Variants in SULT1B1 observed in about 807,000 individuals in gnomAD.
SULT1B1 encodes sulfotransferase family 1B member 1.
A neutral mutation model predicts 34.6 loss-of-function variants in SULT1B1; 28 were observed. The ratio of observed to expected loss-of-function variants is 0.81; its 90% CI spans 0.60 to 1.11. SULT1B1 has a LOEUF of 1.11. Among genes scored for constraint, SULT1B1 ranks in the 50% least tolerant of loss-of-function variants. The pLI, the probability that SULT1B1 is intolerant of heterozygous loss-of-function variation, is 0.00. For synonymous variants in SULT1B1, 147 were observed against 110.2 expected (o/e 1.33, Z -2.09); for missense variants, 374 against 352.2 (o/e 1.06, Z -0.50).
At chr4:69,735,509 A>G (rs903272103) in intron 4 of SULT1B1, among the ~76,000 whole-genome samples, 1 of 152,200 alleles carries the variant, frequency 6.6e-6, no homozygotes, top group African/African-American at 2.4e-5. Context: ...GGGGCTTTAT[A>G]AGCAGTCCCA....
At chr4:69,754,959 C>A in intron 2 of SULT1B1, 111 bp downstream of exon 2, 2 of 1,254,474 alleles carry the variant, frequency 1.6e-6, no homozygotes, top group Admixed American at 2.1e-5. Context: ...TAGATGGCTG[C>A]ACAAAATGAA....
At chr4:69,731,149 G>A (rs1435226281) in intron 6 of SULT1B1, among the ~76,000 whole-genome samples, 1 of 152,194 alleles carries the variant, frequency 6.6e-6, no homozygotes, top group Non-Finnish European at 1.5e-5. Context: ...GTACCAATCA[G>A]TGGCCTGTTA....
At chr4:69,736,800 T>C (rs1372324489) in intron 4 of SULT1B1, among the ~76,000 whole-genome samples, 1 of 151,932 alleles carries the variant, frequency 6.6e-6, no homozygotes, top group East Asian at 1.9e-4. Context: ...ATTTACTCAA[T>C]GTTAACAACA....
chr4:69,737,117 C>T (rs1406637561), intron 4 of SULT1B1, among the ~76,000 whole-genome samples: 1 of 151,818 alleles, frequency 6.6e-6, no homozygotes, highest in East Asian at 1.9e-4. Flanking sequence ...ATATACAGCA[C>T]ATTGCATAAT....
At chr4:69,760,173 C>T (rs1719338888) in intron 1 of SULT1B1, 18 of 962,750 alleles carry the variant, frequency 1.9e-5, no homozygotes, top group Non-Finnish European at 2.2e-5. Flanking sequence ...GAAACGAAAA[C>T]TTGAAAAAGA....
chr4:69,744,332 G>A (rs1174524349), intron 4 of SULT1B1, among the ~76,000 whole-genome samples: 2 of 152,168 alleles, frequency 1.3e-5, no homozygotes, highest in Non-Finnish European at 2.9e-5. Flanking sequence ...AAAGGAACCC[G>A]ACACAGTGGA....
Position 69,725,912 on chromosome 4 carries a change from AC to A in SULT1B1, c.*1175del, listed in dbSNP as rs1717819630. ...GGGGAAGGATAGCATTAGGAGGTAT[AC>A]CTAATGTAAATGACGAGTTAATGGA... is the stretch of plus-strand genomic sequence containing the variant. On this transcript the variant is annotated 3_prime_UTR_variant, in exon 8 of 8. Transcript: ENST00000310613. The A allele has an allele frequency of 6.6e-6, 1 of 150,684 alleles. No individual in the cohort carries two copies. Among genetic ancestry groups the A allele is most frequent in the Admixed American group, 6.6e-5 (1 of 15,056 alleles). The allele number at this position is 150,684 out of a possible 1,614,324, so 9.3% of individuals were successfully genotyped here.
intron 2 of SULT1B1, 90 bp from the exon 3 acceptor site, chr4:69,754,888 A>G: frequency 7.0e-7 from 1 of 1,435,166 alleles, no homozygotes; most frequent in Admixed American, 2.0e-5. Context: ...ATCTTAACAC[A>G]TTCTATTACA....
At chr4:69,759,561 A>G (rs1438694393) in intron 1 of SULT1B1, among the ~76,000 whole-genome samples, 1 of 152,190 alleles carries the variant, frequency 6.6e-6, no homozygotes, top group Non-Finnish European at 1.5e-5. Flanking sequence ...GCTACAGGGT[A>G]TTAGGCATCA....
intron 6 of SULT1B1, 94 bp from the exon 7 acceptor site, chr4:69,730,775 T>C (rs1718050463): frequency 1.8e-6 from 2 of 1,112,984 alleles, no homozygotes; most frequent in African/African-American, 3.2e-5. Context: ...AAATGTTGAC[T>C]CTGAATAGTA....
chr4:69,748,277 C>T (rs762556262), intron 4 of SULT1B1, among the ~76,000 whole-genome samples: 15 of 152,082 alleles, frequency 9.9e-5, no homozygotes, highest in Admixed American at 2.6e-4. Flanking sequence ...AAAAAAATTA[C>T]AAGGCACATT....
At chr4:69,759,231 A>C (rs557235419) in intron 1 of SULT1B1, among the ~76,000 whole-genome samples, 1 of 152,344 alleles carries the variant, frequency 6.6e-6, no homozygotes, top group Admixed American at 6.5e-5. Flanking sequence ...CTGCTCAAAG[A>C]AACACAGAAA....
intron 1 of SULT1B1, chr4:69,758,545 A>C: frequency 1.1e-6 from 1 of 878,242 alleles, no homozygotes. Flanking sequence ...TTCTGAATTA[A>C]TTGAGAAAAA....
At chr4:69,733,608 C>A in intron 5 of SULT1B1, 101 bp from the exon 6 acceptor site, 1 of 843,940 alleles carries the variant, frequency 1.2e-6, no homozygotes, top group Non-Finnish European at 1.8e-6. Flanking sequence ...ATTTAGTAAC[C>A]AAAGGAAGTA....
chr4:69,750,454 T>C (rs955076392), intron 3 of SULT1B1, among the ~76,000 whole-genome samples: 2 of 152,168 alleles, frequency 1.3e-5, no homozygotes, highest in Admixed American at 6.5e-5. Context: ...GGTCTTAAGA[T>C]AGATGATACA....
chr4:69,735,572 C>T (rs10428410), intron 4 of SULT1B1, among the ~76,000 whole-genome samples: 4,116 of 152,250 alleles, frequency 0.027, 184 homozygotes, highest in African/African-American at 0.094. Context: ...GGCCCGAAGG[C>T]TTCTCTCCAA....
Position 69,753,721 on chromosome 4 carries a change from T to C in SULT1B1, c.277+949A>G, listed in dbSNP as rs182926565. On this transcript the variant is annotated intron_variant, in intron 3 of 7. Coordinates refer to ENST00000310613, the MANE Select transcript of SULT1B1 (RefSeq NM_014465.4). ...AATTAAGTTTAGACTAAAGCTGTCATCTTACACATTTTAAGTTTGGCTTAA... is the reference window on the plus strand; with the variant it reads ...AATTAAGTTTAGACTAAAGCTGTCACCTTACACATTTTAAGTTTGGCTTAA... Among the ~76,000 whole-genome samples the C allele has an allele frequency of 9.8e-5, 15 of 152,342 alleles. 1 individual carries two copies. Among genetic ancestry groups the C allele is most frequent in the Admixed American group, 8.5e-4 (13 of 15,304 alleles).
At chr4:69,733,654 T>C (rs1718177109) in intron 5 of SULT1B1, 147 bp from the exon 6 acceptor site, 1 of 565,752 alleles carries the variant, frequency 1.8e-6, no homozygotes, top group Non-Finnish European at 2.9e-6. Flanking sequence ...TAAAATTAGC[T>C]ATTTATGGAT....
At chr4:69,740,063 G>A (rs1461770058) in intron 4 of SULT1B1, among the ~76,000 whole-genome samples, 1 of 152,106 alleles carries the variant, frequency 6.6e-6, no homozygotes, top group African/African-American at 2.4e-5. Flanking sequence ...AAGTCTCTAG[G>A]AAGTTCCAAA....
Sources: gnomAD v4.1 joint callset for allele counts (sites outside exome capture counted in the v4.1 genomes callset) on GRCh38, gnomAD v4.1.1 for gene constraint, MANE v1.5 for transcripts, NCBI Gene and HGNC (gene_info 2026-07-23, HGNC 2026-07-21) for gene names.